Variants in KANK1 observed in about 807,000 individuals in gnomAD.
KANK1 encodes KN motif and ankyrin repeat domain-containing protein 1.
A neutral mutation model predicts 106.2 loss-of-function variants in KANK1; 109 were observed. The ratio of observed to expected loss-of-function variants is 1.03; its 90% CI spans 0.88 to 1.20. The LOEUF (loss-of-function observed/expected upper bound fraction) is 1.20. KANK1 is among the 50% of genes most tolerant of loss of function. The probability of loss-of-function intolerance (pLI) is 0.00; values close to 1 mark genes in which losing one functional copy is unlikely to be tolerated. For synonymous variants in KANK1, 873 were observed against 652.2 expected (o/e 1.34, Z -5.16); for missense variants, 2,399 against 1,710.7 (o/e 1.40, Z -7.10).
chr9:582,542 A>G (rs963755445), intron 1 of KANK1, among the ~76,000 whole-genome samples: 1 of 152,066 alleles, frequency 6.6e-6, no homozygotes, highest in African/African-American at 2.4e-5. Context: ...ATTGACTACA[A>G]CCAGTTTAGA....
intron 1 of KANK1, among the ~76,000 whole-genome samples, chr9:599,712 A>G (rs1827234551): frequency 6.6e-6 from 1 of 151,846 alleles, no homozygotes; most frequent in South Asian, 2.1e-4. Flanking sequence ...TGGATTGAAA[A>G]TAGAGTACTT....
intron 1 of KANK1, among the ~76,000 whole-genome samples, chr9:630,656 C>A (rs1835479200): frequency 1.3e-5 from 2 of 152,176 alleles, no homozygotes; most frequent in Non-Finnish European, 2.9e-5. Context: ...AATCCCAGCA[C>A]TTTGGGAGGC....
At position 580,664 on chromosome 9, in the gene KANK1, G is replaced by C. The variant is rs1317107918; in HGVS notation, c.-84+75910G>C. On this transcript the variant is annotated intron_variant, in intron 1 of 11. Coordinates refer to ENST00000382297, the MANE Select transcript of KANK1 (RefSeq NM_015158.5). The stretch of plus-strand genomic sequence containing the variant: ...TTACAATCCCTTAGCTAGACATAAA[G>C]GTTCTCCAAGTGCCCACTAGACTCA... Among the ~76,000 whole-genome samples the C allele has an allele frequency of 2.0e-5, 3 of 152,222 alleles. No homozygotes were observed. The East Asian group carries it at 5.8e-4, about 29-fold the overall frequency.
At chr9:707,089 A>G in intron 2 of KANK1, 1 of 985,336 alleles carries the variant, frequency 1.0e-6, no homozygotes, top group Non-Finnish European at 1.2e-6. Context: ...GTGAAAGCTC[A>G]GCCTATGGCA....
intron 1 of KANK1, among the ~76,000 whole-genome samples, chr9:635,669 C>T (rs979453592): frequency 1.3e-4 from 20 of 149,940 alleles, no homozygotes; most frequent in Admixed American, 4.7e-4. Context: ...GTCCCTTCAT[C>T]CATTTACCCA....
At position 676,996 on chromosome 9, in the gene KANK1, C is replaced by T. The variant is rs751858070; in HGVS notation, c.24C>T (p.Asn8=). The change falls in exon 2 of 12, where the codon AAC becomes AAT. Residue 8 remains asparagine (N), a synonymous_variant. Coordinates refer to ENST00000382297, the MANE Select transcript of KANK1 (RefSeq NM_015158.5). ...GCATGGCTCACACCACAAAGGTTAACGGCAGTGCCTCAGGTAACCCTGTGC... is the reference window on the plus strand; with the variant it reads ...GCATGGCTCACACCACAAAGGTTAATGGCAGTGCCTCAGGTAACCCTGTGC... MAHTTKV[N]GSASGKAGDI... is the part of the protein sequence containing the mutation. 8.1e-6 allele frequency: 13 copies of T among 1,613,618 alleles called. No homozygotes were observed. Among genetic ancestry groups the T allele is most frequent in the East Asian group, 2.2e-5 (1 of 44,886 alleles).
At chr9:544,486 G>C (rs1440394234) in intron 1 of KANK1, among the ~76,000 whole-genome samples, 3 of 152,174 alleles carry the variant, frequency 2.0e-5, no homozygotes, top group African/African-American at 7.2e-5. Context: ...ACAAATTTGA[G>C]ATGAGCAATT....
chr9:522,818 C>G (rs779999803), intron 1 of KANK1, among the ~76,000 whole-genome samples: 2 of 151,678 alleles, frequency 1.3e-5, no homozygotes, highest in African/African-American at 2.4e-5. Context: ...CTGACCTACC[C>G]TGGTTTTCAC....
chr9:713,873 A>G (rs1317890333), intron 3 of KANK1, among the ~76,000 whole-genome samples: 2 of 152,236 alleles, frequency 1.3e-5, no homozygotes, highest in African/African-American at 4.8e-5. Flanking sequence ...AAATACTGGC[A>G]TAAAATGTTT....
intron 1 of KANK1, among the ~76,000 whole-genome samples, chr9:575,508 GAAAA>G (rs36033779): frequency 2.3e-5 from 3 of 128,320 alleles, no homozygotes; most frequent in Non-Finnish European, 3.3e-5. Flanking sequence ...TCTCTACAGG[GAAAA>G]AAAAAAAAAA....
chr9:513,458 A>G (rs891027240), intron 1 of KANK1, among the ~76,000 whole-genome samples: 19 of 152,224 alleles, frequency 1.2e-4, no homozygotes, highest in Non-Finnish European at 1.9e-4. Context: ...AGTTAATACA[A>G]TTGAGCAATG....
chr9:606,205 T>C (rs2135998724), intron 1 of KANK1, among the ~76,000 whole-genome samples: 1 of 150,470 alleles, frequency 6.6e-6, no homozygotes, highest in Admixed American at 6.6e-5. Flanking sequence ...TATACGTACA[T>C]ACATATATAA....
At chr9:744,003 G>A (rs1836470947) in intron 10 of KANK1, among the ~76,000 whole-genome samples, 1 of 152,192 alleles carries the variant, frequency 6.6e-6, no homozygotes, top group African/African-American at 2.4e-5. Context: ...CTTATTTCCA[G>A]AAGTTGGATC....
At chr9:508,552 A>AG (rs2058881702) in intron 1 of KANK1, among the ~76,000 whole-genome samples, 1 of 146,348 alleles carries the variant, frequency 6.8e-6, no homozygotes, top group African/African-American at 2.8e-5. Context: ...AAGTGCCCCT[A>AG]TACTCTTGTC....
At chr9:705,847 C>G (rs1436873045) in intron 2 of KANK1, among the ~76,000 whole-genome samples, 1 of 151,926 alleles carries the variant, frequency 6.6e-6, no homozygotes, top group Admixed American at 6.6e-5. Context: ...GTGATCCACC[C>G]TCCTCGGTCT....
intron 1 of KANK1, among the ~76,000 whole-genome samples, chr9:667,557 T>C (rs1844917314): frequency 2.0e-5 from 3 of 152,076 alleles, no homozygotes; most frequent in Admixed American, 2.0e-4. Flanking sequence ...TGTAGATGTT[T>C]ATTGCTATAA....
At chr9:615,186 T>C (rs559111923) in intron 1 of KANK1, among the ~76,000 whole-genome samples, 2 of 152,318 alleles carry the variant, frequency 1.3e-5, no homozygotes, top group Admixed American at 6.5e-5. Context: ...TCCTCCTGCA[T>C]TGGCCTTCCA....
At chr9:492,412 C>G (rs540137467) in intron 3 of KANK1, among the ~76,000 whole-genome samples, 8 of 152,258 alleles carry the variant, frequency 5.3e-5, no homozygotes, top group Non-Finnish European at 1.0e-4. Context: ...GATTTACTTA[C>G]TAGATGTGTG....
chr9:668,915 C>A (rs1181556836), intron 1 of KANK1, among the ~76,000 whole-genome samples: 1 of 152,084 alleles, frequency 6.6e-6, no homozygotes, highest in Non-Finnish European at 1.5e-5. Flanking sequence ...GGTTTGCACT[C>A]TTATGAGAAT....
Sources: gnomAD v4.1 joint callset for allele counts (sites outside exome capture counted in the v4.1 genomes callset) on GRCh38, gnomAD v4.1.1 for gene constraint, MANE v1.5 for transcripts, NCBI Gene and HGNC (gene_info 2026-07-23, HGNC 2026-07-21) for gene names.